The following CRYL1 variants were observed in gnomAD, a reference collection of about 807,000 sequenced individuals.
CRYL1 encodes crystallin lambda 1.
A neutral mutation model predicts 36.6 loss-of-function variants in CRYL1; 29 were observed. That is an observed-to-expected ratio of 0.79 (90% confidence interval 0.59 to 1.08). The LOEUF (loss-of-function observed/expected upper bound fraction) is 1.08. Ranked by LOEUF, CRYL1 falls within the 50% of genes least tolerant of loss-of-function variation. CRYL1 has a pLI of 0.00. For missense variants in CRYL1, 411 were observed against 407.9 expected (o/e 1.01, Z -0.06); for synonymous variants, 152 against 151.5 (o/e 1.00, Z -0.02).
At chr13:20,475,861 A>G (rs1256908717) in intron 3 of CRYL1, among the ~76,000 whole-genome samples, 1 of 152,222 alleles carries the variant, frequency 6.6e-6, no homozygotes, top group Non-Finnish European at 1.5e-5. Flanking sequence ...AAAAGGCCGC[A>G]GGACGAGTCC....
chr13:20,497,083 G>A (rs968708337), intron 2 of CRYL1, among the ~76,000 whole-genome samples: 1 of 152,058 alleles, frequency 6.6e-6, no homozygotes, highest in African/African-American at 2.4e-5. Flanking sequence ...TACCAAAGAG[G>A]ACACAGTGTG....
At chr13:20,426,153 G>A (rs1045254918) in intron 5 of CRYL1, among the ~76,000 whole-genome samples, 6 of 152,124 alleles carry the variant, frequency 3.9e-5, no homozygotes, top group Admixed American at 3.9e-4. Context: ...AGGCCCAAGC[G>A]GGGCAGGTCT....
chr13:20,414,141 C>T (rs1190339869), intron 5 of CRYL1, among the ~76,000 whole-genome samples: 2 of 152,060 alleles, frequency 1.3e-5, no homozygotes, highest in Non-Finnish European at 2.9e-5. Flanking sequence ...TGCCACTGCA[C>T]TCCAGCCTGG....
intron 1 of CRYL1, among the ~76,000 whole-genome samples, chr13:20,518,641 G>C (rs1288764293): frequency 1.3e-5 from 2 of 152,124 alleles, no homozygotes; most frequent in Non-Finnish European, 2.9e-5. Flanking sequence ...TTTTTAAAGG[G>C]ACATTCTAGT....
intron 5 of CRYL1, among the ~76,000 whole-genome samples, chr13:20,424,429 A>G (rs2137379683): frequency 6.6e-6 from 1 of 152,216 alleles, no homozygotes; most frequent in East Asian, 1.9e-4. Context: ...GTCAGAGCCA[A>G]GAGAGCTCTC....
chr13:20,444,786 G>A (rs945227012), intron 3 of CRYL1, among the ~76,000 whole-genome samples: 2 of 152,114 alleles, frequency 1.3e-5, no homozygotes, highest in African/African-American at 2.4e-5. Context: ...GTGCGATCTC[G>A]GCTCACTGCA....
intron 5 of CRYL1, 77 bp downstream of exon 5, chr13:20,432,025 T>C: frequency 1.2e-6 from 2 of 1,608,674 alleles, no homozygotes; most frequent in Non-Finnish European, 1.7e-6. Flanking sequence ...ACTTTCACTG[T>C]CCTGCTCAAC....
chr13:20,430,678 T>A lies in CRYL1; in HGVS notation c.633+1424A>T, dbSNP rs751716489. 317 of 985,380 alleles carry A rather than the reference T, an allele frequency of 3.2e-4. 1 individual carries two copies. Among genetic ancestry groups the A allele is most frequent in the Non-Finnish European group, 3.0e-4 (248 of 829,890 alleles). 61.0% of individuals were successfully genotyped at this position (985,380 alleles called of 1,614,324 possible). On this transcript the variant is annotated intron_variant, in intron 5 of 7. Coordinates refer to ENST00000298248, the MANE Select transcript of CRYL1 (RefSeq NM_015974.3). ...CCAGAATCCCAAACCCTTCCTTGAG[T>A]GGGCTCACACCTTTCATATTGGAGA... is the stretch of plus-strand genomic sequence containing the variant.
chr13:20,446,118 T>C (rs2032448845), intron 3 of CRYL1, among the ~76,000 whole-genome samples: 1 of 152,182 alleles, frequency 6.6e-6, no homozygotes, highest in Non-Finnish European at 1.5e-5. Context: ...TTATTTTTTA[T>C]TTATTTATTT....
chr13:20,492,814 A>T (rs1307650198), intron 2 of CRYL1, among the ~76,000 whole-genome samples: 1 of 152,136 alleles, frequency 6.6e-6, no homozygotes, highest in Non-Finnish European at 1.5e-5. Flanking sequence ...GATGATATGC[A>T]ATTTGCTCCT....
chr13:20,442,014 G>C (rs1218429568), intron 3 of CRYL1, among the ~76,000 whole-genome samples: 2 of 152,212 alleles, frequency 1.3e-5, no homozygotes, highest in Non-Finnish European at 2.9e-5. Context: ...AGCTACAGTA[G>C]CTGGCTCATT....
At chr13:20,524,973 C>G (rs952346090) in intron 1 of CRYL1, among the ~76,000 whole-genome samples, 3 of 145,544 alleles carry the variant, frequency 2.1e-5, no homozygotes, top group African/African-American at 7.7e-5. Context: ...CTGCTAACAG[C>G]TGGCCAAAGA....
intron 4 of CRYL1, chr13:20,433,753 A>G (rs927077105): frequency 6.5e-6 from 1 of 154,400 alleles, no homozygotes; most frequent in Admixed American, 6.5e-5. Context: ...GGTCTTTCAA[A>G]CATTGTAAGC....
chr13:20,427,252 T>A, intron 5 of CRYL1: 1 of 985,354 alleles, frequency 1.0e-6, no homozygotes, highest in Non-Finnish European at 1.2e-6. Flanking sequence ...GCCAGACATG[T>A]CCATCTGGCA....
In CRYL1 at chr13:20,404,238, A is replaced by G; in HGVS notation, c.851T>C (p.Met284Thr). ...CGGGTCATCAGGGACCTTCATGCAC[A>G]TGTCCTGCAAGAAGGAGAAGGAAAA... Reference protein sequence around the residue: ...RATAEKVNQDMCMKVPDDPEH... With the variant: ...RATAEKVNQDTCMKVPDDPEH... Residue 284 changes from methionine (M) to threonine (T), a missense_variant, in exon 8 of 8, where the codon ATG becomes ACG. Coordinates refer to ENST00000298248, the MANE Select transcript of CRYL1 (RefSeq NM_015974.3). 6.3e-7 allele frequency: 1 copy of G among 1,599,508 alleles called. No individual in the cohort carries two copies. Among genetic ancestry groups the G allele is most frequent in the Non-Finnish European group, 8.6e-7 (1 of 1,167,054 alleles).
At chr13:20,514,681 TAAC>T (rs2033969705) in intron 1 of CRYL1, among the ~76,000 whole-genome samples, 1 of 152,184 alleles carries the variant, frequency 6.6e-6, no homozygotes, top group African/African-American at 2.4e-5. Context: ...TAAACGATGT[TAAC>T]AATAATATAT....
chr13:20,475,866 G>A (rs562116077), intron 3 of CRYL1, among the ~76,000 whole-genome samples: 12 of 152,302 alleles, frequency 7.9e-5, no homozygotes, highest in South Asian at 4.1e-4. Flanking sequence ...GCCGCAGGAC[G>A]AGTCCCGGTG....
At chr13:20,424,570 C>T (rs1051347911) in intron 5 of CRYL1, among the ~76,000 whole-genome samples, 3 of 152,244 alleles carry the variant, frequency 2.0e-5, no homozygotes, top group African/African-American at 7.2e-5. Context: ...AAGAAAGGCA[C>T]AGCATCCTGG....
intron 3 of CRYL1, among the ~76,000 whole-genome samples, chr13:20,458,920 C>T (rs2137428113): frequency 6.6e-6 from 1 of 152,328 alleles, no homozygotes; most frequent in South Asian, 2.1e-4. Flanking sequence ...AAAATACAGA[C>T]ATTGGGAATA....
Sources: gnomAD v4.1 joint callset for allele counts (sites outside exome capture counted in the v4.1 genomes callset) on GRCh38, gnomAD v4.1.1 for gene constraint, MANE v1.5 for transcripts, NCBI Gene and HGNC (gene_info 2026-07-23, HGNC 2026-07-21) for gene names.